The following ERMP1 variants were observed in gnomAD, a reference collection of about 807,000 sequenced individuals.
ERMP1 encodes the protein Felix-ina.
ERMP1 carries 86 observed loss-of-function variants against 92.0 expected under a neutral mutation model. The ratio of observed to expected loss-of-function variants is 0.93; its 90% CI spans 0.79 to 1.12. The LOEUF is 1.12. Among genes scored for constraint, ERMP1 ranks in the 50% most tolerant of loss-of-function variants. ERMP1 has a pLI of 0.00. For missense variants in ERMP1, 1,342 were observed against 1,116.3 expected, an observed-to-expected ratio of 1.20 and a Z score of -2.88; for synonymous variants, 530 against 412.8, an observed-to-expected ratio of 1.28 and a Z score of -3.44.
At chr9:5,854,501 T>C (rs1418746) in intron 6 of ERMP1, among the ~76,000 whole-genome samples, 135,331 of 152,170 alleles carry the variant, frequency 0.89, 60,452 homozygotes, top group Non-Finnish European at 0.93. Flanking sequence ...GAACAAAAAG[T>C]TTAACTATTT....
chr9:5,822,542 T>A (rs1019015485), intron 4 of ERMP1, among the ~76,000 whole-genome samples: 11 of 152,320 alleles, frequency 7.2e-5, no homozygotes, highest in Admixed American at 2.6e-4. Flanking sequence ...ATACTTAGCA[T>A]AGTTTCATAA....
At chr9:5,824,991 G>GGT in intron 3 of ERMP1, 101 bp downstream of exon 3, 1 of 1,143,862 alleles carries the variant, frequency 8.7e-7, no homozygotes, top group Non-Finnish European at 1.3e-6. Context: ...CTACCCACAG[G>GGT]AGTCATAAAA....
intron 1 of ERMP1, among the ~76,000 whole-genome samples, chr9:5,831,737 A>G (rs1469015573): frequency 6.6e-6 from 1 of 152,248 alleles, no homozygotes; most frequent in Non-Finnish European, 1.5e-5. Flanking sequence ...TAATCAAGTC[A>G]AGAGGTTAAA....
chr9:5,812,367 C>A (rs1247351902), intron 5 of ERMP1, 150 bp from the exon 6 acceptor site: 3 of 586,962 alleles, frequency 5.1e-6, no homozygotes, highest in Non-Finnish European at 9.0e-6. Flanking sequence ...GATATAAATT[C>A]TCTTCCAAAT....
chr9:5,832,415 T>C, intron 1 of ERMP1: 1 of 414,486 alleles, frequency 2.4e-6, no homozygotes, highest in Non-Finnish European at 4.3e-6. Context: ...ACCAACCATC[T>C]GCACGAAGGG....
intron 13 of ERMP1, among the ~76,000 whole-genome samples, chr9:5,788,853 CAG>C (rs1053557426): frequency 5.9e-5 from 9 of 151,932 alleles, no homozygotes; most frequent in African/African-American, 2.2e-4. Context: ...CGACTAGACT[CAG>C]AAAAGAAATG....
intron 11 of ERMP1, among the ~76,000 whole-genome samples, chr9:5,800,691 A>G (rs1297790100): frequency 6.6e-6 from 1 of 152,146 alleles, no homozygotes; most frequent in South Asian, 2.1e-4. Flanking sequence ...AAGAGAAAAG[A>G]AAGTAAGTCC....
At chr9:5,789,520 C>G (rs1828084313) in intron 13 of ERMP1, among the ~76,000 whole-genome samples, 1 of 152,244 alleles carries the variant, frequency 6.6e-6, no homozygotes, top group South Asian at 2.1e-4. Flanking sequence ...CTTCATCCAA[C>G]CAACAGATAA....
At chr9:5,823,844 T>A (rs1362178725) in intron 4 of ERMP1, 52 bp downstream of exon 4, 3 of 1,291,106 alleles carry the variant, frequency 2.3e-6, no homozygotes, top group Non-Finnish European at 3.3e-6. Context: ...AACTTTCTAC[T>A]TTTACAAAAA....
chr9:5,794,193 T>C (rs888406176), intron 13 of ERMP1, among the ~76,000 whole-genome samples: 1 of 151,982 alleles, frequency 6.6e-6, no homozygotes. Flanking sequence ...ACATAACAAA[T>C]GGGTCAAAAA....
chr9:5,790,323 T>C (rs1411998118), intron 13 of ERMP1, among the ~76,000 whole-genome samples: 1 of 151,754 alleles, frequency 6.6e-6, no homozygotes, highest in Non-Finnish European at 1.5e-5. Context: ...CATTCATAAA[T>C]GCCAGAAAAT....
rs897850968 is a variant in ERMP1, at chr9:5,854,539, T to C, written n.3199+4929A>G. 3.9e-5 allele frequency among the ~76,000 whole-genome samples: 6 copies of C among 152,220 alleles called. 1 individual carries two copies. Among genetic ancestry groups the C allele is most frequent in the Admixed American group, 2.0e-4 (3 of 15,278 alleles). ...TAGTCAGTAGTTCCATATGGTCTTA[T>C]ACTTTTTTCTGAGTCACAGTTTCAC... On this transcript the variant is annotated intron_variant and non_coding_transcript_variant, in intron 6 of 6. Transcript: ENST00000690753.
In ERMP1 at chr9:5,786,121, A is replaced by ACTAAT. The variant is rs1263748598; in HGVS notation, c.*1018_*1022dup. 2.0e-5 allele frequency: 3 copies of ACTAAT among 152,144 alleles called. No homozygotes were observed. Among genetic ancestry groups the ACTAAT allele is most frequent in the Non-Finnish European group, 4.4e-5 (3 of 68,070 alleles). 9.4% of individuals were successfully genotyped at this position (152,144 alleles called of 1,614,324 possible). A position where few individuals can be genotyped will look rare whatever the true frequency, so the allele number is the denominator to read the frequency against. ...GCTGGATAGTAAGTTACTGAGAAAA[A>ACTAAT]CTAATCTATTCAACTGGCTGGAAAA... On this transcript the variant is annotated 3_prime_UTR_variant, in exon 15 of 15. Transcript: ENST00000339450.
intron 6 of ERMP1, among the ~76,000 whole-genome samples, chr9:5,848,454 T>A (rs559051025): frequency 6.6e-6 from 1 of 152,182 alleles, no homozygotes; most frequent in East Asian, 1.9e-4. Context: ...AGATAATACA[T>A]TCGTATTGTT....
At chr9:5,790,168 CCTT>C (rs1828121912) in intron 13 of ERMP1, among the ~76,000 whole-genome samples, 2 of 147,622 alleles carry the variant, frequency 1.4e-5, no homozygotes, top group African/African-American at 2.5e-5. Context: ...TAAAACAATA[CCTT>C]TTTTTTTTTT....
chr9:5,829,962 A>G (rs1490132073), intron 2 of ERMP1, among the ~76,000 whole-genome samples: 1 of 152,252 alleles, frequency 6.6e-6, no homozygotes, highest in Admixed American at 6.5e-5. Context: ...TGACAAATAT[A>G]TACTGCATCA....
At chr9:5,810,397 G>A (rs1251712680) in intron 7 of ERMP1, among the ~76,000 whole-genome samples, 166 bp from the exon 8 acceptor site, 5 of 152,308 alleles carry the variant, frequency 3.3e-5, no homozygotes, top group Non-Finnish European at 7.3e-5. Flanking sequence ...AAGAACAAGG[G>A]AGGTATCAAA....
intron 8 of ERMP1, among the ~76,000 whole-genome samples, chr9:5,809,496 T>C (rs1202893486): frequency 6.6e-6 from 1 of 152,128 alleles, no homozygotes; most frequent in African/African-American, 2.4e-5. Context: ...GAATCAACAA[T>C]ATACAGTTAA....
intron 6 of ERMP1, among the ~76,000 whole-genome samples, chr9:5,840,067 C>T (rs1830143101): frequency 6.6e-6 from 1 of 152,160 alleles, no homozygotes; most frequent in Non-Finnish European, 1.5e-5. Context: ...CATGGTGAAA[C>T]CCCGTCTCTA....
Sources: allele counts gnomAD v4.1 joint callset (sites outside exome capture counted in the v4.1 genomes callset), GRCh38; gene constraint gnomAD v4.1.1; transcripts MANE v1.5; gene names NCBI Gene and HGNC (gene_info 2026-07-23, HGNC 2026-07-21).